CACNA1E: variants seen among roughly 807,000 people sequenced by gnomAD.
CACNA1E encodes the protein voltage-dependent R-type calcium channel subunit alpha-1E.
In CACNA1E, 40 loss-of-function variants were observed where a neutral mutation model predicts 259.2. The observed-to-expected ratio is 0.15, with a 90% CI of 0.12 to 0.20. CACNA1E has a LOEUF of 0.20. CACNA1E is among the 10% of genes least tolerant of loss of function. The pLI is 1.00. For missense variants in CACNA1E, 1,874 were observed against 3,040.1 expected (o/e 0.62, Z 9.02); for synonymous variants, 1,104 against 1,138.5 (o/e 0.97, Z 0.61).
intron 3 of CACNA1E, among the ~76,000 whole-genome samples, chr1:181,546,423 G>A (rs547791086): frequency 1.5e-4 from 23 of 152,242 alleles, no homozygotes; most frequent in Non-Finnish European, 2.6e-4. Flanking sequence ...CAGCCCCCTT[G>A]ACTTTCTTCC....
intron 25 of CACNA1E, among the ~76,000 whole-genome samples, chr1:181,747,951 GT>G (rs1657246891): frequency 6.6e-6 from 1 of 152,126 alleles, no homozygotes; most frequent in Non-Finnish European, 1.5e-5. Flanking sequence ...CCAGGGCTTT[GT>G]TATTCAGTAC....
chr1:181,548,542 C>T (rs1383222246), intron 3 of CACNA1E, among the ~76,000 whole-genome samples: 1 of 152,180 alleles, frequency 6.6e-6, no homozygotes, highest in Non-Finnish European at 1.5e-5. Context: ...TTGTATGGCC[C>T]GTAGGCTGCT....
intron 2 of CACNA1E, among the ~76,000 whole-genome samples, chr1:181,443,060 G>A (rs988615958): frequency 6.6e-6 from 1 of 152,220 alleles, no homozygotes; most frequent in Non-Finnish European, 1.5e-5. Flanking sequence ...TTAGTAGGAA[G>A]CACTAGGCTA....
intron 1 of CACNA1E, among the ~76,000 whole-genome samples, chr1:181,351,973 G>A (rs1653077010): frequency 6.6e-6 from 1 of 152,206 alleles, no homozygotes; most frequent in Admixed American, 6.5e-5. Context: ...AGGAGGAGGA[G>A]GTGAGTGGGG....
At chr1:181,625,517 G>A (rs932402695) in intron 6 of CACNA1E, among the ~76,000 whole-genome samples, 8 of 152,024 alleles carry the variant, frequency 5.3e-5, no homozygotes, top group African/African-American at 1.9e-4. Flanking sequence ...GTATGGAAAC[G>A]GCTTCTTTCC....
intron 2 of CACNA1E, among the ~76,000 whole-genome samples, chr1:181,436,448 T>C (rs1016255230): frequency 1.3e-5 from 2 of 152,194 alleles, no homozygotes; most frequent in Non-Finnish European, 2.9e-5. Context: ...ATAGCTAAGA[T>C]ATGCAAGCAA....
chr1:181,570,689 C>G (rs1392219515), intron 3 of CACNA1E, among the ~76,000 whole-genome samples: 3 of 152,206 alleles, frequency 2.0e-5, no homozygotes, highest in Non-Finnish European at 2.9e-5. Flanking sequence ...TCTTCAGAGT[C>G]AGATGCAGAA....
Position 181,757,958 on chromosome 1 carries a change from C to G in CACNA1E, c.4341C>G (p.Ile1447Met), listed in dbSNP as rs748583200. ...CSLEKNERAC[I>M]DFAISAKPLT... Reference sequence around the variant, plus strand: ...TGACTTTCTTGCAGAGGGCGTGCATCGACTTCGCCATCAGCGCCAAACCTC... The same window carrying G: ...TGACTTTCTTGCAGAGGGCGTGCATGGACTTCGCCATCAGCGCCAAACCTC... The change falls in exon 31 of 48, where the codon ATC becomes ATG. Residue 1447 changes from isoleucine to methionine, a missense_variant. Transcript: ENST00000367573. 2 of 1,613,898 alleles carry G rather than the reference C, an allele frequency of 1.2e-6. No individual in the cohort carries two copies. The highest frequency in any genetic ancestry group is 8.5e-7 in the Non-Finnish European group (1 of 1,179,834).
intron 6 of CACNA1E, among the ~76,000 whole-genome samples, chr1:181,590,416 A>AAATATATATATATATAT (rs1553291053): frequency 8.6e-5 from 10 of 115,886 alleles, no homozygotes; most frequent in African/African-American, 3.0e-4. Flanking sequence ...AAAAAAAAAA[A>AAATATATATATATATAT]ATATATATAT....
intron 6 of CACNA1E, among the ~76,000 whole-genome samples, chr1:181,612,327 C>T (rs2103115436): frequency 6.6e-6 from 1 of 152,336 alleles, no homozygotes; most frequent in African/African-American, 2.4e-5. Flanking sequence ...ATCCATCTTC[C>T]AATCACAAAT....
chr1:181,358,334 G>A (rs541868205), intron 1 of CACNA1E, among the ~76,000 whole-genome samples: 14 of 152,174 alleles, frequency 9.2e-5, no homozygotes, highest in Non-Finnish European at 1.6e-4. Flanking sequence ...TTGGAACCTG[G>A]AAGTGTATGA....
chr1:181,476,512 C>A (rs560561415), intron 2 of CACNA1E, among the ~76,000 whole-genome samples: 29 of 152,296 alleles, frequency 1.9e-4, no homozygotes, highest in African/African-American at 6.7e-4. Flanking sequence ...TCTGTTACTG[C>A]GGCATTATCT....
chr1:181,760,315 A>C (rs1045348933), intron 32 of CACNA1E, among the ~76,000 whole-genome samples: 2 of 152,176 alleles, frequency 1.3e-5, no homozygotes, highest in Admixed American at 1.3e-4. Flanking sequence ...AAAAGGTACC[A>C]CTAATTCTGA....
rs1656028708 is a variant in CACNA1E, at chr1:181,736,342, G to T, written c.3330G>T (p.Glu1110Asp). ...CAGAGATCAGAGAGGATGAGGAGGA[G>T]GTGGAGAAGAAGAAGCAGAAGAAGG... ...KEAEIREDEE[E>D]VEKKKQKKEK... The change falls in exon 22 of 48, where the codon GAG becomes GAT. Residue 1110 changes from glutamate (E) to aspartate (D), a missense_variant. By Grantham distance (45) the Glu-to-Asp change is conservative. This residue lies in a region of CACNA1E where 476 missense variants were observed against 514.0 expected (regional missense o/e 0.93). Transcript: ENST00000367573. 6.2e-7 allele frequency: 1 copy of T among 1,608,904 alleles called. No homozygotes were observed. The highest frequency in any genetic ancestry group is 8.5e-7 in the Non-Finnish European group (1 of 1,177,458).
At chr1:181,492,952 A>G (rs1664444595) in intron 1 of CACNA1E, among the ~76,000 whole-genome samples, 1 of 152,162 alleles carries the variant, frequency 6.6e-6, no homozygotes, top group Admixed American at 6.5e-5. Flanking sequence ...ATGTCTGAGT[A>G]GTGACCTGAG....
At chr1:181,529,153 C>T (rs1667587728) in intron 3 of CACNA1E, among the ~76,000 whole-genome samples, 1 of 152,194 alleles carries the variant, frequency 6.6e-6, no homozygotes, top group African/African-American at 2.4e-5. Flanking sequence ...CCCAGCTGTT[C>T]CAGCTGTGGC....
chr1:181,459,874 G>A (rs1421258064), intron 2 of CACNA1E, among the ~76,000 whole-genome samples: 1 of 152,224 alleles, frequency 6.6e-6, no homozygotes, highest in Non-Finnish European at 1.5e-5. Flanking sequence ...CATTTGATCA[G>A]TGAGAGATTG....
intron 1 of CACNA1E, among the ~76,000 whole-genome samples, chr1:181,332,161 C>T (rs751743789): frequency 2.9e-4 from 44 of 152,200 alleles, no homozygotes; most frequent in Non-Finnish European, 5.9e-4. Flanking sequence ...GGGAGCTGAA[C>T]GATGAGAACA....
chr1:181,656,077 C>A (rs1659184276), intron 7 of CACNA1E, among the ~76,000 whole-genome samples: 1 of 152,134 alleles, frequency 6.6e-6, no homozygotes, highest in South Asian at 2.1e-4. Flanking sequence ...AGAACATATA[C>A]AATTATGTAC....
Sources: gnomAD v4.1 joint callset for allele counts (sites outside exome capture counted in the v4.1 genomes callset) on GRCh38, gnomAD v4.1.1 for gene constraint, gnomAD v4.1.1 regional missense constraint, MANE v1.5 for transcripts, NCBI Gene and HGNC (gene_info 2026-07-23, HGNC 2026-07-21) for gene names.